GRM6: variants seen among roughly 807,000 people sequenced by gnomAD.
GRM6 encodes the protein metabotropic glutamate receptor 6.
Under a neutral mutation model 78.4 loss-of-function variants are expected in GRM6, and 73 were observed. The ratio of observed to expected loss-of-function variants is 0.93; its 90% confidence interval spans 0.77 to 1.13. The LOEUF (loss-of-function observed/expected upper bound fraction) is 1.13. Among genes scored for constraint, GRM6 ranks in the 50% most tolerant of loss-of-function variants. The pLI, the probability that GRM6 is intolerant of heterozygous loss-of-function variation, is 0.00. For missense variants in GRM6, 1,251 were observed against 1,256.4 expected, an observed-to-expected ratio of 1.00 and a Z score of 0.07; for synonymous variants, 580 against 555.0, an observed-to-expected ratio of 1.05 and a Z score of -0.63.
chr5:178,980,507 C>T lies in GRM6; in HGVS notation c.*1150G>A, dbSNP rs771398279. ...CATGACTCTCTGTCACTGCTCCCAACCTGGAGCTCCTAAACCCATCCCCAA... is the reference window on the plus strand; with the variant it reads ...CATGACTCTCTGTCACTGCTCCCAATCTGGAGCTCCTAAACCCATCCCCAA... On this transcript the variant is annotated 3_prime_UTR_variant, in exon 11 of 11. Transcript: ENST00000517717. This position sits in a 1 kb window ranked among gnomAD's most constrained non-coding sequence, Gnocchi z 4.3. 2.6e-5 allele frequency: 4 copies of T among 154,564 alleles called. No homozygotes were observed. Among genetic ancestry groups the T allele is most frequent in the Non-Finnish European group, 4.4e-5 (3 of 68,260 alleles). 9.6% of individuals were successfully genotyped at this position (154,564 alleles called of 1,614,324 possible).
Position 178,981,990 on chromosome 5 carries a change from A to G in GRM6, c.2437-136T>C, listed in dbSNP as rs993677108. ...GGGAATGAGCACTTAGACCAGGACA[A>G]CAGTATGAGCAGGGGCCCCGCGCCT... On this transcript the variant is annotated intron_variant, in intron 10 of 10. Transcript: ENST00000517717. This position sits in a 1 kb window ranked among gnomAD's most constrained non-coding sequence, Gnocchi z 5.1. 1.0e-5 allele frequency: 8 copies of G among 768,466 alleles called. No homozygotes were observed. Among genetic ancestry groups the G allele is most frequent in the Admixed American group, 1.8e-5 (1 of 56,002 alleles). The allele number at this position is 768,466 out of a possible 1,614,324, so 47.6% of individuals were successfully genotyped here.
At position 178,994,744 on chromosome 5, in the gene GRM6, G is replaced by T. The variant is rs1415659265; in HGVS notation, c.201C>A (p.His67Gln). The T allele has an allele frequency of 9.7e-6, 14 of 1,440,908 alleles. No individual in the cohort carries two copies. Among genetic ancestry groups the T allele is most frequent in the Admixed American group, 2.4e-5 (1 of 42,248 alleles). The allele number at this position is 1,440,908 out of a possible 1,614,324, so 89.3% of individuals were successfully genotyped here. A position where few individuals can be genotyped will look rare whatever the true frequency, so the allele number is the denominator to read the frequency against. Residue 67 changes from histidine (H) to glutamine (Q), a missense_variant, in exon 2 of 11, where the codon CAC (histidine) becomes CAA (glutamine). Physicochemically the swap from His to Gln is conservative, Grantham distance 24. Coordinates refer to ENST00000517717, the MANE Select transcript of GRM6 (RefSeq NM_000843.4). ...CGQLKKEQGV[H>Q]RLEAMLYALD... The stretch of plus-strand genomic sequence containing the variant: ...GCGCGTACAGCATGGCCTCCAGCCG[G>T]TGCACGCCCTGCTCCTTCTTCAGCT...
chr5:178,987,364 G>T (rs907057900), intron 7 of GRM6: 1 of 470,788 alleles, frequency 2.1e-6, no homozygotes, highest in Non-Finnish European at 4.2e-6. Context: ...GTACAGCCAC[G>T]TTCACAGCAG....
intron 6 of GRM6, 30 bp downstream of exon 6, chr5:178,989,235 C>CCCACCCTCACCACCCTCA (rs3838954): frequency 1.4e-6 from 2 of 1,435,424 alleles, no homozygotes; most frequent in African/African-American, 2.9e-5. Context: ...CCCCACCCTC[C>CCCACCCTCACCACCCTCA]CCACCCTCAC....
chr5:178,985,701 T>TCA lies in GRM6; in HGVS notation c.2124+428_2124+429insTG, dbSNP rs1554113566. ...CTGGGCGACACAGCGAGACTCTGTC[T>TCA]AAAAAAAAAAAAACAAAACAACACA... On this transcript the variant is annotated intron_variant, in intron 9 of 10. Coordinates refer to ENST00000517717, the MANE Select transcript of GRM6 (RefSeq NM_000843.4). The TCA allele has an allele frequency of 1.7e-3, 576 of 348,724 alleles. 2 individuals are homozygous for TCA. The highest frequency in any genetic ancestry group is 2.2e-3 in the Non-Finnish European group (417 of 185,602). The allele number at this position is 348,724 out of a possible 1,614,324, so 21.6% of individuals were successfully genotyped here.
chr5:178,982,814 TA>T (rs1760424504), intron 10 of GRM6, 95 bp downstream of exon 10: 1 of 874,716 alleles, frequency 1.1e-6, no homozygotes, highest in Non-Finnish European at 1.9e-6. Flanking sequence ...AGATACGGGA[TA>T]AACAAAAGCA....
At position 178,991,662 on chromosome 5, in the gene GRM6, G is replaced by A; in HGVS notation, c.722-103C>T. 2 of 1,413,626 alleles carry A rather than the reference G, an allele frequency of 1.4e-6. No homozygotes were observed. The highest frequency in any genetic ancestry group is 1.7e-4 in the Middle Eastern group (1 of 5,736). The allele number at this position is 1,413,626 out of a possible 1,614,324, so 87.6% of individuals were successfully genotyped here. A position where few individuals can be genotyped will look rare whatever the true frequency, so the allele number is the denominator to read the frequency against. ...TGTAGGCTGGCTGAAGGGTCTGCAG[G>A]GGTGAAGTCTGGCCTGCACCCTCCG... On this transcript the variant is annotated intron_variant, in intron 3 of 10. Transcript: ENST00000517717. The surrounding 1 kb of genome is among the most constrained non-coding windows in gnomAD (Gnocchi z 5.0).
At chr5:178,984,956 A>G (rs1760481210) in intron 9 of GRM6, among the ~76,000 whole-genome samples, 1 of 152,168 alleles carries the variant, frequency 6.6e-6, no homozygotes, top group African/African-American at 2.4e-5. Context: ...CTCTTCACAC[A>G]GAAAACATCC....
At chr5:178,985,594 T>A (rs530348414) in intron 9 of GRM6, 251 of 347,090 alleles carry the variant, frequency 7.2e-4, no homozygotes, top group Non-Finnish European at 1.2e-3. Flanking sequence ...TCCCAGCTAC[T>A]CGGGAGGCTG....
intron 9 of GRM6, among the ~76,000 whole-genome samples, chr5:178,984,420 A>G (rs1012965064): frequency 1.3e-5 from 2 of 152,230 alleles, no homozygotes; most frequent in African/African-American, 4.8e-5. Context: ...TTGAAGCCAC[A>G]GTGAGATGCC....
chr5:178,987,467 C>A (rs961579557), intron 7 of GRM6: 13 of 456,616 alleles, frequency 2.8e-5, no homozygotes, highest in Non-Finnish European at 5.7e-5. Context: ...CAATGGGATG[C>A]GATTCAGCCT....
rs1262257479 is a variant in GRM6, at chr5:178,986,314, G to A, written c.1940C>T (p.Ala647Val). 1.2e-6 allele frequency: 2 copies of A among 1,614,014 alleles called. No individual in the cohort carries two copies. The highest frequency in any genetic ancestry group is 8.5e-7 in the Non-Finnish European group (1 of 1,179,960). ...GAGCCTGCGGGCGGCACAGACCGCG[G>A]CCCCAGGCTCAGCCACCATGAGGAA... Reference protein sequence around the residue: ...ITFLMVAEPGAAVCAARRLFL... With the variant: ...ITFLMVAEPGVAVCAARRLFL... Residue 647 changes from alanine to valine, a missense_variant, in exon 9 of 11, where the codon GCC (alanine) becomes GTC (valine). By Grantham distance (64) the Ala-to-Val change is moderately conservative. Coordinates refer to ENST00000517717, the MANE Select transcript of GRM6 (RefSeq NM_000843.4).
intron 7 of GRM6, among the ~76,000 whole-genome samples, chr5:178,987,808 G>A (rs1760597171): frequency 6.6e-6 from 1 of 151,898 alleles, no homozygotes; most frequent in African/African-American, 2.4e-5. Flanking sequence ...CGCCCAGGCT[G>A]GAGTGCAGTG....
At chr5:178,995,152 C>G (rs903533115) in intron 1 of GRM6, 124 bp downstream of exon 1, 1 of 207,928 alleles carries the variant, frequency 4.8e-6, no homozygotes, top group Middle Eastern at 1.8e-3. Context: ...CGAACCCTGT[C>G]GCCCGGGGTC....
rs1760366306 is a variant in GRM6 at position 178,980,359 on chromosome 5, C to T, written c.*1298G>A. 6.5e-6 allele frequency: 1 copy of T among 154,362 alleles called. No individual in the cohort carries two copies. Among genetic ancestry groups the T allele is most frequent in the Non-Finnish European group, 1.5e-5 (1 of 68,228 alleles). 9.6% of individuals were successfully genotyped at this position (154,362 alleles called of 1,614,324 possible). A position where few individuals can be genotyped will look rare whatever the true frequency, so the allele number is the denominator to read the frequency against. ...AAACAAATGTGCGTGCATCTGCAGC[C>T]CAAGCCTCTTCCTCCCCAGGCCTGG... On this transcript the variant is annotated 3_prime_UTR_variant, in exon 11 of 11. Transcript: ENST00000517717. This position sits in a 1 kb window ranked among gnomAD's most constrained non-coding sequence, Gnocchi z 4.3.
In GRM6 at chr5:178,994,541, G is replaced by C. The variant is rs1034464770; in HGVS notation, c.404C>G (p.Pro135Arg). The stretch of plus-strand genomic sequence containing the variant: ...CTCGGGGGGCGCGGGGCGCAGCGGA[G>C]GGACGCCTCCCGGGCAGCGCACGCC... Reference protein sequence around the residue: ...EVGVRCPGGVPPLRPAPPERV... With the variant: ...EVGVRCPGGVRPLRPAPPERV... Residue 135 changes from proline (P) to arginine (R), a missense_variant, in exon 2 of 11, where the codon CCT becomes CGT. Pro to Arg is a moderately radical substitution (Grantham distance 103, BLOSUM62 -2). Coordinates refer to ENST00000517717, the MANE Select transcript of GRM6 (RefSeq NM_000843.4). The C allele has an allele frequency of 4.4e-5, 60 of 1,371,026 alleles. No homozygotes were observed. The African/African-American group carries it at 8.2e-4, about 19-fold the overall frequency. 84.9% of individuals were successfully genotyped at this position (1,371,026 alleles called of 1,614,324 possible). A position where few individuals can be genotyped will look rare whatever the true frequency, so the allele number is the denominator to read the frequency against.
intron 9 of GRM6, chr5:178,985,117 A>G: frequency 1.6e-5 from 5 of 321,976 alleles, no homozygotes; most frequent in South Asian, 9.6e-5. Context: ...AAAATGTTGG[A>G]CCCTGTGCCT....
chr5:178,981,602 C>A lies in GRM6; in HGVS notation c.*55G>T. On this transcript the variant is annotated 3_prime_UTR_variant, in exon 11 of 11. Coordinates refer to ENST00000517717, the MANE Select transcript of GRM6 (RefSeq NM_000843.4). This position sits in a 1 kb window ranked among gnomAD's most constrained non-coding sequence, Gnocchi z 5.1. ...CCCGGGCTCTATACAGCTTCCACCT[C>A]GAGGCAAGAGGAAGAAAGGAGAGGC... is the stretch of plus-strand genomic sequence containing the variant. 1 of 1,399,816 alleles carries A rather than the reference C, an allele frequency of 7.1e-7. No individual in the cohort carries two copies. 86.7% of individuals were successfully genotyped at this position (1,399,816 alleles called of 1,614,324 possible).
chr5:178,986,342 T>C lies in GRM6; in HGVS notation c.1912A>G (p.Thr638Ala). ...CCAGGCTCAGCCACCATGAGGAAGG[T>C]GATGGCGTAGATGAGGAAGATGCCG... Reference protein sequence around the residue: ...LTGIFLIYAITFLMVAEPGAA... With the variant: ...LTGIFLIYAIAFLMVAEPGAA... The change falls in exon 9 of 11, where the codon ACC becomes GCC. Residue 638 changes from threonine (T) to alanine (A), a missense_variant. By Grantham distance (58) the Thr-to-Ala change is moderately conservative. Transcript: ENST00000517717. 6.2e-7 allele frequency: 1 copy of C among 1,614,030 alleles called. No homozygotes were observed. Among genetic ancestry groups the C allele is most frequent in the Non-Finnish European group, 8.5e-7 (1 of 1,179,996 alleles).
Sources: allele counts gnomAD v4.1 joint callset (sites outside exome capture counted in the v4.1 genomes callset), GRCh38; gene constraint gnomAD v4.1.1; non-coding constraint Gnocchi (gnomAD v3.1); transcripts MANE v1.5; gene names NCBI Gene and HGNC (gene_info 2026-07-23, HGNC 2026-07-21).